The following RSRC2 variants were observed in gnomAD, a reference collection of about 807,000 sequenced individuals.
RSRC2 encodes arginine/serine-rich coiled-coil protein 2.
Under a neutral mutation model 61.3 loss-of-function variants are expected in RSRC2, and 5 were observed. The ratio of observed to expected loss-of-function variants is 0.08; its 90% CI spans 0.04 to 0.17. The LOEUF is 0.17. RSRC2 is among the 10% of genes least tolerant of loss of function. The pLI is 1.00. For missense variants in RSRC2, 381 were observed against 518.8 expected (o/e 0.73, Z 2.58); for synonymous variants, 202 against 166.5 (o/e 1.21, Z -1.64).
intron 3 of RSRC2, chr12:122,521,069 C>T (rs903298876): frequency 1.1e-5 from 3 of 283,202 alleles, no homozygotes; most frequent in African/African-American, 6.6e-5. Flanking sequence ...AACTGTCAGG[C>T]ACCAGGAGAC....
chr12:122,516,368 T>C (rs1170942303), intron 5 of RSRC2, among the ~76,000 whole-genome samples: 1 of 152,186 alleles, frequency 6.6e-6, no homozygotes, highest in African/African-American at 2.4e-5. Flanking sequence ...TCAAGATAAA[T>C]CTAAATTGTG....
chr12:122,516,865 A>G (rs754593073), intron 5 of RSRC2, among the ~76,000 whole-genome samples: 3 of 151,974 alleles, frequency 2.0e-5, no homozygotes, highest in African/African-American at 4.8e-5. Context: ...GCTAATTTTC[A>G]TATCTTTTGT....
chr12:122,509,134 A>AC (rs1047936873), intron 7 of RSRC2, among the ~76,000 whole-genome samples: 1 of 151,584 alleles, frequency 6.6e-6, no homozygotes, highest in African/African-American at 2.4e-5. Context: ...TTTGATGCTC[A>AC]CATCATATAC....
intron 9 of RSRC2, among the ~76,000 whole-genome samples, 196 bp from the exon 10 acceptor site, chr12:122,505,902 C>A (rs1003417728): frequency 1.3e-5 from 2 of 152,074 alleles, no homozygotes; most frequent in Admixed American, 1.3e-4. Flanking sequence ...CCTCAGCCTC[C>A]CAAATAGCTG....
rs1351686360 is a variant in RSRC2 at position 122,517,238 on chromosome 12, C to T, written c.591G>A (p.Arg197=). ...TGATGGTCACCTACCGACTCCTACT[C>T]CTTGTCCTACTCCTGCTTCTAGTCC... ...RHRTRSRSRT[R]SRSRDRKKRI... The change falls in exon 5 of 10, where the codon AGG becomes AGA. Residue 197 remains arginine, a synonymous_variant. Coordinates refer to ENST00000331738, the MANE Select transcript of RSRC2 (RefSeq NM_023012.6). The T allele has an allele frequency of 1.9e-6, 3 of 1,614,058 alleles. No homozygotes were observed. The highest frequency in any genetic ancestry group is 2.5e-6 in the Non-Finnish European group (3 of 1,180,026).
chr12:122,526,671 A>T (rs1002597569), intron 1 of RSRC2, among the ~76,000 whole-genome samples, 177 bp downstream of exon 1: 1 of 151,992 alleles, frequency 6.6e-6, no homozygotes, highest in South Asian at 2.1e-4. Flanking sequence ...ACCCCCACCA[A>T]CACCGCCTTA....
intron 6 of RSRC2, chr12:122,514,833 CA>C: frequency 1.4e-6 from 1 of 716,794 alleles, no homozygotes; most frequent in East Asian, 5.5e-5. Flanking sequence ...GTTTCAAATG[CA>C]AACTGAAAAT....
intron 1 of RSRC2, 130 bp downstream of exon 1, chr12:122,526,718 G>A: frequency 1.9e-6 from 2 of 1,039,846 alleles, no homozygotes; most frequent in African/African-American, 1.6e-5. Flanking sequence ...ATGATGGCGG[G>A]CGCAGAAGAA....
intron 4 of RSRC2, among the ~76,000 whole-genome samples, 168 bp downstream of exon 4, chr12:122,518,671 G>A (rs1424360265): frequency 6.6e-6 from 1 of 151,184 alleles, no homozygotes; most frequent in Non-Finnish European, 1.5e-5. Context: ...AACCATTTTT[G>A]CATGATGAGA....
In RSRC2 at chr12:122,526,421, C is replaced by G. The variant is rs367772726; in HGVS notation, c.6+427G>C. 27 of 197,592 alleles carry G rather than the reference C, an allele frequency of 1.4e-4. No individual in the cohort carries two copies. In the East Asian group the frequency reaches 3.7e-3, roughly 27 times the overall value. The allele number at this position is 197,592 out of a possible 1,614,324, so 12.2% of individuals were successfully genotyped here. A position where few individuals can be genotyped will look rare whatever the true frequency, so the allele number is the denominator to read the frequency against. On this transcript the variant is annotated intron_variant, in intron 1 of 9. Transcript: ENST00000331738. ...CAAGTCGCTCTCTTCTCCCACACTA[C>G]CCTTTACAGACACTGCCTTTTTGAC... is the stretch of plus-strand genomic sequence containing the variant.
intron 7 of RSRC2, among the ~76,000 whole-genome samples, chr12:122,509,385 G>T (rs11610303): frequency 0.42 from 64,241 of 151,490 alleles, 16,596 homozygotes; most frequent in Non-Finnish European, 0.55. Context: ...GAGAGGTGGA[G>T]GTTGTTGTGA....
At chr12:122,506,039 C>CG (rs1045428612) in intron 9 of RSRC2, among the ~76,000 whole-genome samples, 6 of 152,056 alleles carry the variant, frequency 3.9e-5, no homozygotes, top group African/African-American at 1.4e-4. Flanking sequence ...GCCTGCCCCC[C>CG]GGCCTCCCGA....
At chr12:122,521,712 T>A (rs1489947238) in intron 2 of RSRC2, among the ~76,000 whole-genome samples, 1 of 152,132 alleles carries the variant, frequency 6.6e-6, no homozygotes, top group Non-Finnish European at 1.5e-5. Flanking sequence ...AGTTTCCTAG[T>A]CTACAGCAAA....
chr12:122,510,939 C>T (rs539192155), intron 7 of RSRC2, among the ~76,000 whole-genome samples, 170 bp downstream of exon 7: 2 of 152,026 alleles, frequency 1.3e-5, no homozygotes, highest in South Asian at 4.1e-4. Context: ...GTCCCAGCTA[C>T]TCGGTAGGCT....
At chr12:122,525,802 T>TGACAAGACTTAACTGTAACGC (rs1960148286) in intron 1 of RSRC2, among the ~76,000 whole-genome samples, 1 of 10,462 alleles carries the variant, frequency 9.6e-5, no homozygotes, top group African/African-American at 9.5e-4. Flanking sequence ...CAACGAAGAG[T>TGACAAGACTTAACTGTAACGC]TTTTTTTTTT....
chr12:122,513,105 GA>G (rs1958645448), intron 6 of RSRC2, among the ~76,000 whole-genome samples: 1 of 151,826 alleles, frequency 6.6e-6, no homozygotes, highest in African/African-American at 2.4e-5. Flanking sequence ...TGAGGCACGA[GA>G]ATTGCCTGAA....
rs889777343 is a variant in RSRC2, at chr12:122,506,106, G to A, written c.1126-400C>T. ...ACACTATTAAATTATACTTTTGGCCGGGTGCAGTGTGGCTCACGCCTGTAA... is the reference window on the plus strand; with the variant it reads ...ACACTATTAAATTATACTTTTGGCCAGGTGCAGTGTGGCTCACGCCTGTAA... On this transcript the variant is annotated intron_variant, in intron 9 of 9. Coordinates refer to ENST00000331738, the MANE Select transcript of RSRC2 (RefSeq NM_023012.6). 1.8e-4 allele frequency among the ~76,000 whole-genome samples: 27 copies of A among 152,106 alleles called. No homozygotes were observed. In the South Asian group the frequency reaches 3.1e-3, roughly 18 times the overall value.
chr12:122,521,882 T>C (rs1212001419), intron 2 of RSRC2, among the ~76,000 whole-genome samples: 1 of 152,236 alleles, frequency 6.6e-6, no homozygotes, highest in African/African-American at 2.4e-5. Flanking sequence ...ACGCCTATAA[T>C]CCCAGCTACT....
chr12:122,520,849 T>C, intron 3 of RSRC2: 1 of 247,984 alleles, frequency 4.0e-6, no homozygotes, highest in South Asian at 4.1e-5. Context: ...AGCTGCTGCC[T>C]TTCTTTTTCC....
Sources: gnomAD v4.1 joint callset for allele counts (sites outside exome capture counted in the v4.1 genomes callset) on GRCh38, gnomAD v4.1.1 for gene constraint, MANE v1.5 for transcripts, NCBI Gene and HGNC (gene_info 2026-07-23, HGNC 2026-07-21) for gene names.